AK5: variants seen among roughly 807,000 people sequenced by gnomAD.
AK5 encodes adenylate kinase 5, also known as adenylate kinase isoenzyme 5.
In AK5, 27 loss-of-function variants were observed where a neutral mutation model predicts 69.5. That is an observed-to-expected ratio of 0.39 (90% CI 0.29 to 0.54). The LOEUF is 0.54. AK5 is among the 20% of genes least tolerant of loss of function. The pLI, the probability that AK5 is intolerant of heterozygous loss-of-function variation, is 0.71. For synonymous variants in AK5, 260 were observed against 244.4 expected, an observed-to-expected ratio of 1.06 and a Z score of -0.60; for missense variants, 531 against 700.4, an observed-to-expected ratio of 0.76 and a Z score of 2.73.
chr1:77,307,288 T>C (rs1659693625), intron 5 of AK5, among the ~76,000 whole-genome samples: 1 of 151,668 alleles, frequency 6.6e-6, no homozygotes, highest in Non-Finnish European at 1.5e-5. Flanking sequence ...GATTTTGGTA[T>C]GTTTTGTTTT....
At chr1:77,367,922 TATATA>T (rs1557534738) in intron 6 of AK5, among the ~76,000 whole-genome samples, 5 of 47,370 alleles carry the variant, frequency 1.1e-4, no homozygotes, top group African/African-American at 2.5e-4. Context: ...ATATATGTGA[TATATA>T]TTATATATAA....
intron 5 of AK5, among the ~76,000 whole-genome samples, chr1:77,303,673 C>A (rs1659467001): frequency 6.6e-6 from 1 of 152,096 alleles, no homozygotes. Context: ...TAGTTTTGAC[C>A]TATGACCTTC....
intron 5 of AK5, among the ~76,000 whole-genome samples, chr1:77,303,196 G>GT (rs1176342640): frequency 6.6e-6 from 1 of 152,116 alleles, no homozygotes; most frequent in Admixed American, 6.5e-5. Context: ...GAGATGCGGG[G>GT]TTTTTTCCAG....
chr1:77,317,955 T>C (rs1660325174), intron 5 of AK5, among the ~76,000 whole-genome samples: 1 of 152,224 alleles, frequency 6.6e-6, no homozygotes. Flanking sequence ...CTTTAGTCTA[T>C]AATGGCACAC....
chr1:77,400,517 T>C (rs1482508025), intron 6 of AK5, among the ~76,000 whole-genome samples: 1 of 152,202 alleles, frequency 6.6e-6, no homozygotes, highest in Admixed American at 6.5e-5. Context: ...TACCTGGTGC[T>C]CCTGTTGTTG....
rs369215259 is a variant in AK5, at chr1:77,454,849, T to C, written c.1060-28468T>C. 3.2e-4 allele frequency among the ~76,000 whole-genome samples: 48 copies of C among 152,300 alleles called. 1 individual carries two copies. The South Asian group carries it at 9.3e-3, about 30-fold the overall frequency. On this transcript the variant is annotated intron_variant, in intron 8 of 13. Coordinates refer to ENST00000354567, the MANE Select transcript of AK5 (RefSeq NM_174858.3). ...TTTTTTTTTCTTTTGTGGAGTTTAG[T>C]TCATAAATTACAATCCTTATCAAGA...
At chr1:77,426,297 G>T (rs545464550) in intron 8 of AK5, among the ~76,000 whole-genome samples, 8 of 152,062 alleles carry the variant, frequency 5.3e-5, no homozygotes, top group Non-Finnish European at 1.2e-4. Context: ...GCTCTACCAC[G>T]CTAACGCTAA....
intron 10 of AK5, among the ~76,000 whole-genome samples, chr1:77,501,343 A>T (rs950769897): frequency 6.6e-6 from 1 of 152,238 alleles, no homozygotes; most frequent in Non-Finnish European, 1.5e-5. Context: ...TCTCCCATAT[A>T]CAGTCATGCA....
Position 77,515,939 on chromosome 1 carries a change from G to A in AK5, c.1148-2625G>A, listed in dbSNP as rs564346877. The stretch of plus-strand genomic sequence containing the variant: ...GTGGTGATGTGCACCTGTGGGACCC[G>A]TAGTCCCAGCTAACTCAAGAGGCCA... On this transcript the variant is annotated intron_variant, in intron 10 of 13. Transcript: ENST00000354567. 2.1e-3 allele frequency among the ~76,000 whole-genome samples: 315 copies of A among 152,162 alleles called. 4 individuals carry two copies. Among genetic ancestry groups the A allele is most frequent in the Non-Finnish European group, 1.8e-3 (121 of 68,006 alleles).
At chr1:77,480,046 A>G (rs986874389) in intron 8 of AK5, among the ~76,000 whole-genome samples, 1 of 152,226 alleles carries the variant, frequency 6.6e-6, no homozygotes, top group Non-Finnish European at 1.5e-5. Flanking sequence ...TTGAAAAGTA[A>G]CAAGATTTAG....
intron 7 of AK5, among the ~76,000 whole-genome samples, chr1:77,413,873 C>T (rs529404121): frequency 6.6e-6 from 1 of 152,294 alleles, no homozygotes; most frequent in South Asian, 2.1e-4. Context: ...CCCACTTCCC[C>T]TTCTCACCCA....
intron 8 of AK5, among the ~76,000 whole-genome samples, chr1:77,453,332 GTAT>G (rs1164140762): frequency 6.6e-6 from 1 of 152,154 alleles, no homozygotes; most frequent in African/African-American, 2.4e-5. Context: ...AATAAATAAT[GTAT>G]TTGTAATAAT....
At chr1:77,401,219 A>G (rs1001395028) in intron 6 of AK5, among the ~76,000 whole-genome samples, 1 of 152,194 alleles carries the variant, frequency 6.6e-6, no homozygotes, top group Non-Finnish European at 1.5e-5. Flanking sequence ...CTTTTAGTGC[A>G]ATCTTCAATT....
intron 10 of AK5, among the ~76,000 whole-genome samples, chr1:77,495,641 CT>C (rs1041932006): frequency 8.5e-5 from 13 of 152,318 alleles, no homozygotes; most frequent in African/African-American, 3.1e-4. Flanking sequence ...TTTGTGAGCA[CT>C]GCCAAAACTA....
intron 9 of AK5, 74 bp from the exon 10 acceptor site, chr1:77,486,234 T>C (rs1655577303): frequency 1.0e-6 from 1 of 1,000,530 alleles, no homozygotes; most frequent in Admixed American, 2.3e-5. Flanking sequence ...TTTGGGTTTT[T>C]ATATAATATG....
chr1:77,319,883 G>A (rs1222821058), intron 5 of AK5, among the ~76,000 whole-genome samples: 10 of 152,174 alleles, frequency 6.6e-5, no homozygotes, highest in Non-Finnish European at 8.8e-5. Context: ...TGTGCCCCAC[G>A]TTATGAGAAA....
intron 5 of AK5, among the ~76,000 whole-genome samples, chr1:77,335,923 G>T (rs1252088759): frequency 6.6e-6 from 1 of 152,054 alleles, no homozygotes; most frequent in South Asian, 2.1e-4. Flanking sequence ...GGTTCATAGC[G>T]GTCTTTTCTC....
At chr1:77,510,152 T>C (rs1198371256) in intron 10 of AK5, among the ~76,000 whole-genome samples, 1 of 117,280 alleles carries the variant, frequency 8.5e-6, no homozygotes, top group African/African-American at 2.6e-5. Context: ...CACAGGCTCC[T>C]GGACACTGGC....
At chr1:77,514,476 G>A (rs1032950647) in intron 10 of AK5, among the ~76,000 whole-genome samples, 3 of 152,218 alleles carry the variant, frequency 2.0e-5, no homozygotes, top group Non-Finnish European at 4.4e-5. Flanking sequence ...GTCGGTGGCA[G>A]TATATGAAAA....
Sources: gnomAD v4.1 joint callset for allele counts (sites outside exome capture counted in the v4.1 genomes callset) on GRCh38, gnomAD v4.1.1 for gene constraint, MANE v1.5 for transcripts, NCBI Gene and HGNC (gene_info 2026-07-23, HGNC 2026-07-21) for gene names.